Variants in KCNH8 observed in about 807,000 individuals in gnomAD.
KCNH8 encodes the protein potassium voltage-gated channel subfamily H member 8.
Under a neutral mutation model 103.6 loss-of-function variants are expected in KCNH8, and 70 were observed. That is an observed-to-expected ratio of 0.68 (90% CI 0.56 to 0.82). The LOEUF (loss-of-function observed/expected upper bound fraction) is 0.82, where lower values mean the gene tolerates loss of function less well. KCNH8 is among the 40% of genes least tolerant of loss of function. The pLI, the probability that KCNH8 is intolerant of heterozygous loss-of-function variation, is 0.00. For missense variants in KCNH8, 1,217 were observed against 1,329.9 expected, an observed-to-expected ratio of 0.92 and a Z score of 1.32; for synonymous variants, 498 against 489.4, an observed-to-expected ratio of 1.02 and a Z score of -0.23.
At chr3:19,279,127 G>T (rs186608766) in intron 2 of KCNH8, among the ~76,000 whole-genome samples, 4 of 152,226 alleles carry the variant, frequency 2.6e-5, no homozygotes, top group Admixed American at 6.5e-5. Context: ...TTTCTCTAAG[G>T]TCTGATTATT....
intron 9 of KCNH8, 69 bp downstream of exon 9, chr3:19,450,374 A>G: frequency 1.6e-6 from 2 of 1,214,650 alleles, no homozygotes; most frequent in Non-Finnish European, 2.4e-6. Flanking sequence ...AAGATGTTCT[A>G]ATGCAGGTAT....
intron 11 of KCNH8, among the ~76,000 whole-genome samples, chr3:19,496,499 T>G (rs895551773): frequency 6.6e-6 from 1 of 152,198 alleles, no homozygotes; most frequent in Non-Finnish European, 1.5e-5. Context: ...TCATATTTAT[T>G]TATTTGTGTA....
chr3:19,433,200 T>G (rs978338129), intron 7 of KCNH8, among the ~76,000 whole-genome samples: 1 of 152,202 alleles, frequency 6.6e-6, no homozygotes, highest in African/African-American at 2.4e-5. Flanking sequence ...ACTAGTTTAA[T>G]ACAAGTGGCA....
intron 1 of KCNH8, among the ~76,000 whole-genome samples, chr3:19,152,887 G>A (rs542250008): frequency 1.3e-5 from 2 of 152,068 alleles, no homozygotes; most frequent in South Asian, 4.2e-4. Flanking sequence ...AGTGAGCTGA[G>A]ATCATGCCCC....
In KCNH8 at chr3:19,510,397, C is replaced by G. The variant is rs1365062385; in HGVS notation, c.2075C>G (p.Ser692Ter). 1 of 1,571,736 alleles carries G rather than the reference C, an allele frequency of 6.4e-7. No homozygotes were observed. Among genetic ancestry groups the G allele is most frequent in the Admixed American group, 1.7e-5 (1 of 59,886 alleles). The change falls in exon 12 of 16, where the codon TCA becomes TGA. Residue 692 changes from serine (S) to a stop codon, truncating the protein, a stop_gained. Transcript: ENST00000328405. LOFTEE classifies it high-confidence loss of function. ...AGACTATCAAACAAATCTATGGTCTCACAGGTATGGCTTTTGCTACACAGC... is the reference window on the plus strand; with the variant it reads ...AGACTATCAAACAAATCTATGGTCTGACAGGTATGGCTTTTGCTACACAGC... Reference protein sequence around the residue: ...ISRLSNKSMVSQSEPKGNGNI... With the variant: ...ISRLSNKSMV
chr3:19,499,563 G>A (rs905651093), intron 11 of KCNH8, among the ~76,000 whole-genome samples: 1 of 152,072 alleles, frequency 6.6e-6, no homozygotes, highest in African/African-American at 2.4e-5. Context: ...ACCCTCAAAG[G>A]GTAACAGCAG....
chr3:19,192,624 G>A (rs544632759), intron 1 of KCNH8, among the ~76,000 whole-genome samples: 13 of 151,628 alleles, frequency 8.6e-5, no homozygotes, highest in East Asian at 1.9e-4. Context: ...TTTGGGAAAC[G>A]AGGAGATTTG....
intron 2 of KCNH8, among the ~76,000 whole-genome samples, chr3:19,276,253 G>A (rs1460436051): frequency 1.3e-5 from 2 of 150,890 alleles, no homozygotes; most frequent in Non-Finnish European, 2.9e-5. Flanking sequence ...TCTAAAAACT[G>A]GCAAGCCTGT....
intron 3 of KCNH8, among the ~76,000 whole-genome samples, chr3:19,287,777 G>T (rs939210342): frequency 5.3e-5 from 8 of 152,100 alleles, no homozygotes; most frequent in African/African-American, 1.7e-4. Flanking sequence ...GTAGAGACGG[G>T]GTTTCATCAT....
chr3:19,529,537 A>G (rs550542854), intron 15 of KCNH8, among the ~76,000 whole-genome samples: 2 of 152,294 alleles, frequency 1.3e-5, no homozygotes, highest in African/African-American at 4.8e-5. Context: ...TAGATAGTGG[A>G]AACACTGCAT....
intron 1 of KCNH8, among the ~76,000 whole-genome samples, chr3:19,153,672 G>C (rs544532586): frequency 3.0e-5 from 4 of 133,342 alleles, no homozygotes; most frequent in Admixed American, 8.7e-5. Context: ...TCACTCTGTC[G>C]CACAGGCTGG....
At chr3:19,385,036 G>C (rs1306708343) in intron 5 of KCNH8, among the ~76,000 whole-genome samples, 3 of 151,922 alleles carry the variant, frequency 2.0e-5, no homozygotes, top group African/African-American at 7.2e-5. Flanking sequence ...ATCAGTAAGA[G>C]ATGGTTGAAA....
intron 11 of KCNH8, among the ~76,000 whole-genome samples, chr3:19,498,065 C>T (rs187481585): frequency 6.6e-6 from 1 of 152,286 alleles, no homozygotes; most frequent in East Asian, 1.9e-4. Flanking sequence ...GCAACCACTG[C>T]CTTTTCCTGT....
intron 1 of KCNH8, among the ~76,000 whole-genome samples, chr3:19,249,527 T>A (rs748842508): frequency 3.9e-5 from 6 of 152,208 alleles, no homozygotes; most frequent in Non-Finnish European, 7.3e-5. Context: ...TAATCCTTAA[T>A]TGAAACACAC....
intron 11 of KCNH8, among the ~76,000 whole-genome samples, chr3:19,465,876 G>A (rs981879858): frequency 2.6e-5 from 4 of 152,080 alleles, no homozygotes; most frequent in African/African-American, 9.7e-5. Flanking sequence ...AGATGTGACT[G>A]AATTGCTGCA....
chr3:19,312,267 C>A (rs944471416), intron 3 of KCNH8, among the ~76,000 whole-genome samples: 1 of 151,766 alleles, frequency 6.6e-6, no homozygotes, highest in Non-Finnish European at 1.5e-5. Flanking sequence ...TTATCTTTAC[C>A]CCTTCTATTT....
intron 7 of KCNH8, among the ~76,000 whole-genome samples, chr3:19,397,455 A>G (rs1297992041): frequency 1.3e-5 from 2 of 151,746 alleles, no homozygotes; most frequent in African/African-American, 4.8e-5. Context: ...AGTAATGATT[A>G]TCAAGAATAA....
chr3:19,366,669 A>G lies in KCNH8; in HGVS notation c.811+18704A>G, dbSNP rs187410612. On this transcript the variant is annotated intron_variant, in intron 5 of 15. Coordinates refer to ENST00000328405, the MANE Select transcript of KCNH8 (RefSeq NM_144633.3). ...CTTTTCAAGTATGTTTTCTTAAAGT[A>G]TAAAAAAATAAAATAAAATTCTACT... Among the ~76,000 whole-genome samples, 159 of 152,110 alleles carry G rather than the reference A, an allele frequency of 1.0e-3. 1 individual carries two copies. The highest frequency in any genetic ancestry group is 3.7e-3 in the African/African-American group (152 of 41,536).
intron 1 of KCNH8, among the ~76,000 whole-genome samples, chr3:19,195,486 C>G (rs922316708): frequency 2.0e-5 from 3 of 151,888 alleles, no homozygotes; most frequent in African/African-American, 7.3e-5. Context: ...TCTTCATACC[C>G]AACAGAGAAC....
Sources: gnomAD v4.1 joint callset for allele counts (sites outside exome capture counted in the v4.1 genomes callset) on GRCh38, gnomAD v4.1.1 for gene constraint, MANE v1.5 for transcripts, NCBI Gene and HGNC (gene_info 2026-07-23, HGNC 2026-07-21) for gene names.